The following PRMT9 variants were observed in gnomAD, a reference collection of about 807,000 sequenced individuals.
PRMT9 encodes protein arginine N-methyltransferase 9.
PRMT9 carries 59 observed loss-of-function variants against 83.2 expected under a neutral mutation model. The ratio of observed to expected loss-of-function variants is 0.71; its 90% CI spans 0.57 to 0.88. The LOEUF (loss-of-function observed/expected upper bound fraction) is 0.88, where lower values mean the gene tolerates loss of function less well. Among genes scored for constraint, PRMT9 ranks in the 40% least tolerant of loss-of-function variants. The pLI is 0.00. For missense variants in PRMT9, 947 were observed against 1,021.9 expected, an observed-to-expected ratio of 0.93 and a Z score of 1.00; for synonymous variants, 333 against 353.2, an observed-to-expected ratio of 0.94 and a Z score of 0.64.
At chr4:147,675,044 G>A (rs1262472251) in intron 2 of PRMT9, among the ~76,000 whole-genome samples, 4 of 151,986 alleles carry the variant, frequency 2.6e-5, no homozygotes, top group Non-Finnish European at 4.4e-5. Flanking sequence ...GCAATGGCAC[G>A]ATCTCGGCTC....
At chr4:147,659,579 C>CTTTTTTTTTT (rs33942571) in intron 7 of PRMT9, among the ~76,000 whole-genome samples, 11 of 121,638 alleles carry the variant, frequency 9.0e-5, no homozygotes, top group Non-Finnish European at 1.3e-4. Context: ...ACTTTCTTTT[C>CTTTTTTTTTT]TTTTTTTTTT....
intron 11 of PRMT9, 48 bp from the exon 12 acceptor site, chr4:147,638,795 CTTAGATAAGTCTCTTTTTAG>C: frequency 1.4e-6 from 2 of 1,447,184 alleles, no homozygotes; most frequent in Non-Finnish European, 1.9e-6. Flanking sequence ...ATAGAGTAGA[CTTAGATAAGTCTCTTTTTAG>C]TTACTTTTAA....
chr4:147,669,087 A>T (rs1371514594), intron 5 of PRMT9, among the ~76,000 whole-genome samples: 2 of 144,748 alleles, frequency 1.4e-5, no homozygotes, highest in Non-Finnish European at 3.0e-5. Context: ...CTCCATCTTT[A>T]AAAAAAAAAA....
intron 6 of PRMT9, among the ~76,000 whole-genome samples, chr4:147,667,856 C>T (rs1294794600): frequency 6.6e-6 from 1 of 151,840 alleles, no homozygotes; most frequent in Non-Finnish European, 1.5e-5. Context: ...TCTTTCATTC[C>T]AACTTCACCT....
At chr4:147,648,180 G>A (rs1733851195) in intron 9 of PRMT9, among the ~76,000 whole-genome samples, 1 of 152,148 alleles carries the variant, frequency 6.6e-6, no homozygotes, top group Admixed American at 6.5e-5. Flanking sequence ...GATAAATGAT[G>A]ACTAAGGGCC....
chr4:147,677,043 C>CA (rs1176356042), intron 2 of PRMT9, among the ~76,000 whole-genome samples: 1,235 of 55,978 alleles, frequency 0.022, 7 homozygotes, highest in Non-Finnish European at 0.029. Context: ...GACTCCGTCT[C>CA]AAAAAAAAAA....
chr4:147,682,975 G>C (rs1274904854), intron 1 of PRMT9, among the ~76,000 whole-genome samples: 1 of 152,218 alleles, frequency 6.6e-6, no homozygotes, highest in East Asian at 1.9e-4. Flanking sequence ...CAAACCCTCA[G>C]TCTAAATGAA....
chr4:147,656,788 A>AAAAAAAAAGAAAGAAAG (rs1734528369), intron 8 of PRMT9, among the ~76,000 whole-genome samples: 1 of 149,436 alleles, frequency 6.7e-6, no homozygotes, highest in Non-Finnish European at 1.5e-5. Flanking sequence ...AAAAAAAAAA[A>AAAAAAAAAGAAAGAAAG]AAAAAAAGAA....
intron 5 of PRMT9, 67 bp from the exon 6 acceptor site, chr4:147,668,712 G>T: frequency 1.1e-6 from 1 of 902,106 alleles, no homozygotes. Flanking sequence ...ATAATGATAA[G>T]CTATGAAAAT....
intron 6 of PRMT9, among the ~76,000 whole-genome samples, chr4:147,663,645 CG>C (rs1560988742): frequency 6.6e-6 from 1 of 152,160 alleles, no homozygotes; most frequent in Non-Finnish European, 1.5e-5. Flanking sequence ...GTATTAAAGG[CG>C]TGAGTCACTG....
At chr4:147,655,154 G>A (rs141893214) in intron 8 of PRMT9, among the ~76,000 whole-genome samples, 145 of 152,234 alleles carry the variant, frequency 9.5e-4, no homozygotes, top group Non-Finnish European at 1.7e-3. Context: ...CTTCATATAT[G>A]GGAAAACTTT....
chr4:147,654,242 T>C lies in PRMT9; in HGVS notation c.1655A>G (p.Lys552Arg), dbSNP rs752287364. The change falls in exon 9 of 12, where the codon AAA becomes AGA. Residue 552 changes from lysine (K) to arginine (R), a missense_variant. Coordinates refer to ENST00000322396, the MANE Select transcript of PRMT9 (RefSeq NM_138364.4). ...GTGAGTATCCATGGTCTGATACAGTTTCTCTGGAGTCAGTGAAGACAAAAC... is the reference window on the plus strand; with the variant it reads ...GTGAGTATCCATGGTCTGATACAGTCTCTCTGGAGTCAGTGAAGACAAAAC... ...SKVLSSLTPE[K>R]LYQTMDTHCQ... 10 of 1,614,080 alleles carry C rather than the reference T, an allele frequency of 6.2e-6. No individual in the cohort carries two copies. In the East Asian group the frequency reaches 2.0e-4, roughly 32 times the overall value.
chr4:147,660,198 C>A (rs1032642865), intron 7 of PRMT9, among the ~76,000 whole-genome samples: 8 of 152,272 alleles, frequency 5.3e-5, no homozygotes, highest in African/African-American at 1.9e-4. Context: ...TTAATGTGAG[C>A]AACAATTTCC....
At chr4:147,657,194 A>G (rs1026119502) in intron 8 of PRMT9, among the ~76,000 whole-genome samples, 8 of 152,162 alleles carry the variant, frequency 5.3e-5, no homozygotes, top group Non-Finnish European at 7.4e-5. Flanking sequence ...AGTACTTTCC[A>G]TGAAATAATG....
chr4:147,675,259 C>T (rs890996301), intron 2 of PRMT9, among the ~76,000 whole-genome samples: 3 of 152,154 alleles, frequency 2.0e-5, no homozygotes, highest in African/African-American at 7.2e-5. Flanking sequence ...AGATTACAGG[C>T]GTGAGCCACC....
At chr4:147,658,646 C>T (rs1020130532) in intron 7 of PRMT9, among the ~76,000 whole-genome samples, 2 of 152,162 alleles carry the variant, frequency 1.3e-5, no homozygotes, top group African/African-American at 2.4e-5. Context: ...CAGCTACAAA[C>T]GTGTTACTTG....
chr4:147,676,303 T>C (rs1736068610), intron 2 of PRMT9, among the ~76,000 whole-genome samples: 1 of 152,184 alleles, frequency 6.6e-6, no homozygotes, highest in Admixed American at 6.5e-5. Context: ...ATGATCACCG[T>C]ATGTGTATAA....
Position 147,662,848 on chromosome 4 carries a change from T to C in PRMT9, c.954-1810A>G, listed in dbSNP as rs186000757. Among the ~76,000 whole-genome samples the C allele has an allele frequency of 2.0e-5, 3 of 152,078 alleles. No individual in the cohort carries two copies. In the East Asian group the frequency reaches 5.8e-4, roughly 29 times the overall value. ...AAAATTTACAATGAAAATTTAAACATTTTGTAAAAGGAAACTACTCCAACC... is the reference window on the plus strand; with the variant it reads ...AAAATTTACAATGAAAATTTAAACACTTTGTAAAAGGAAACTACTCCAACC... On this transcript the variant is annotated intron_variant, in intron 6 of 11. Transcript: ENST00000322396.
At chr4:147,641,362 A>G (rs961724324) in intron 10 of PRMT9, among the ~76,000 whole-genome samples, 1 of 152,068 alleles carries the variant, frequency 6.6e-6, no homozygotes, top group African/African-American at 2.4e-5. Context: ...TGATACTCCA[A>G]TCGTGATCTT....
Sources: allele counts gnomAD v4.1 joint callset (sites outside exome capture counted in the v4.1 genomes callset), GRCh38; gene constraint gnomAD v4.1.1; transcripts MANE v1.5; gene names NCBI Gene and HGNC (gene_info 2026-07-23, HGNC 2026-07-21).